Variants in ELMO1 observed in about 807,000 individuals in gnomAD.
ELMO1 encodes the protein engulfment and cell motility protein 1.
Under a neutral mutation model 98.9 loss-of-function variants are expected in ELMO1, and 26 were observed. The observed-to-expected ratio is 0.26, with a 90% CI of 0.19 to 0.36. The LOEUF (loss-of-function observed/expected upper bound fraction) is 0.36, where lower values mean the gene tolerates loss of function less well. ELMO1 is among the 10% of genes least tolerant of loss of function. The probability of loss-of-function intolerance (pLI) is 1.00; values close to 1 mark genes in which losing one functional copy is unlikely to be tolerated. For synonymous variants in ELMO1, 346 were observed against 346.0 expected (o/e 1.00, Z 0.00); for missense variants, 627 against 935.2 (o/e 0.67, Z 4.30).
At chr7:37,043,258 A>G (rs1795622958) in intron 15 of ELMO1, among the ~76,000 whole-genome samples, 1 of 149,526 alleles carries the variant, frequency 6.7e-6, no homozygotes, top group African/African-American at 2.4e-5. Flanking sequence ...GCCTAAGTCT[A>G]AGATCATCTG....
At chr7:37,345,333 T>G (rs1010003939) in intron 1 of ELMO1, among the ~76,000 whole-genome samples, 2 of 152,132 alleles carry the variant, frequency 1.3e-5, no homozygotes, top group African/African-American at 4.8e-5. Flanking sequence ...CTGAAGCCTG[T>G]GCCTCTACCA....
intron 1 of ELMO1, among the ~76,000 whole-genome samples, chr7:37,433,227 C>T (rs779412680): frequency 1.3e-4 from 20 of 152,224 alleles, no homozygotes; most frequent in Non-Finnish European, 2.2e-4. Context: ...GGACACAGTG[C>T]TCACATACAT....
At chr7:37,438,310 G>A (rs983490974) in intron 1 of ELMO1, among the ~76,000 whole-genome samples, 11 of 152,052 alleles carry the variant, frequency 7.2e-5, no homozygotes, top group Middle Eastern at 3.4e-3. Flanking sequence ...GAATCGGGCC[G>A]GGCGCGGTGG....
intron 8 of ELMO1, among the ~76,000 whole-genome samples, chr7:37,230,441 A>C (rs1794107935): frequency 6.6e-6 from 1 of 151,984 alleles, no homozygotes; most frequent in Non-Finnish European, 1.5e-5. Context: ...GCACAGGTGC[A>C]TGATGAGGAG....
chr7:36,932,897 G>C (rs1220172092), intron 16 of ELMO1, among the ~76,000 whole-genome samples: 2 of 152,204 alleles, frequency 1.3e-5, no homozygotes. Flanking sequence ...AGTGGGAAAT[G>C]CTTGCTCTCC....
chr7:37,404,649 G>T (rs145982273), intron 1 of ELMO1, among the ~76,000 whole-genome samples: 256 of 152,272 alleles, frequency 1.7e-3, no homozygotes, highest in African/African-American at 5.9e-3. Flanking sequence ...ATGCCAATCA[G>T]TGTTGAGATG....
rs144158978 is a variant in ELMO1, at chr7:37,214,960, G to A, written c.832-1503C>T. ...ATTCTAACCCTGACTCCCACATCAA[G>A]GTAATATGAAGACACTGAGCTACCC... On this transcript the variant is annotated intron_variant, in intron 11 of 21. Transcript: ENST00000310758. 9.9e-5 allele frequency among the ~76,000 whole-genome samples: 15 copies of A among 152,248 alleles called. No individual in the cohort carries two copies. In the East Asian group the frequency reaches 1.7e-3, roughly 18 times the overall value.
intron 13 of ELMO1, among the ~76,000 whole-genome samples, chr7:37,158,237 T>C (rs568144358): frequency 3.9e-5 from 6 of 152,276 alleles, no homozygotes; most frequent in East Asian, 1.9e-4. Flanking sequence ...ATTCAGGACA[T>C]AGGCATTGGC....
intron 15 of ELMO1, among the ~76,000 whole-genome samples, chr7:37,054,127 C>A (rs1796270389): frequency 1.3e-5 from 2 of 152,110 alleles, no homozygotes; most frequent in African/African-American, 4.8e-5. Context: ...ATCCAAGATA[C>A]ACTATATTTA....
intron 15 of ELMO1, among the ~76,000 whole-genome samples, chr7:37,038,782 T>C (rs1795332319): frequency 6.6e-6 from 1 of 152,222 alleles, no homozygotes; most frequent in African/African-American, 2.4e-5. Flanking sequence ...GGTGCAAGCA[T>C]GGTTGGGTTC....
chr7:36,933,271 G>C (rs976579922), intron 16 of ELMO1, among the ~76,000 whole-genome samples: 12 of 152,182 alleles, frequency 7.9e-5, no homozygotes, highest in Admixed American at 7.2e-4. Flanking sequence ...TACAGGAACA[G>C]AGTGTATAAT....
chr7:37,124,394 T>A (rs1364997609), intron 14 of ELMO1, among the ~76,000 whole-genome samples: 2 of 152,156 alleles, frequency 1.3e-5, no homozygotes, highest in African/African-American at 2.4e-5. Flanking sequence ...CCCCATCATC[T>A]CAGCCCAAAA....
intron 1 of ELMO1, among the ~76,000 whole-genome samples, chr7:37,386,984 T>C (rs1015604870): frequency 1.3e-5 from 2 of 152,358 alleles, no homozygotes; most frequent in East Asian, 3.8e-4. Flanking sequence ...TGTTTTGTTT[T>C]GTTCCTGCTC....
chr7:36,890,838 A>G (rs1407070770), intron 17 of ELMO1, among the ~76,000 whole-genome samples: 2 of 152,138 alleles, frequency 1.3e-5, no homozygotes, highest in South Asian at 2.1e-4. Context: ...GGCCTTGTGT[A>G]ATGGGGCTCC....
chr7:37,072,296 T>G (rs1476756405), intron 15 of ELMO1, among the ~76,000 whole-genome samples: 2 of 152,096 alleles, frequency 1.3e-5, no homozygotes, highest in Non-Finnish European at 2.9e-5. Context: ...AATTGAATCA[T>G]GGGGGTGGGT....
intron 16 of ELMO1, among the ~76,000 whole-genome samples, chr7:36,910,825 C>T (rs116106646): frequency 0.024 from 3,592 of 152,252 alleles, 143 homozygotes; most frequent in African/African-American, 0.081. Flanking sequence ...TTAAGGAGGA[C>T]ACGTGGTGCC....
At chr7:37,097,314 G>A (rs1784415041) in intron 14 of ELMO1, among the ~76,000 whole-genome samples, 1 of 152,336 alleles carries the variant, frequency 6.6e-6, no homozygotes, top group East Asian at 1.9e-4. Flanking sequence ...GAGGCGGGCG[G>A]ATCATTGGAG....
At chr7:37,288,328 G>A (rs6954443) in intron 4 of ELMO1, among the ~76,000 whole-genome samples, 1 of 151,750 alleles carries the variant, frequency 6.6e-6, no homozygotes, top group South Asian at 2.1e-4. Context: ...GGGTTCAAGC[G>A]ATTCTCCTGC....
chr7:37,357,159 T>C (rs548821554), intron 1 of ELMO1, among the ~76,000 whole-genome samples: 79 of 152,320 alleles, frequency 5.2e-4, no homozygotes, highest in Admixed American at 2.9e-3. Flanking sequence ...AGAATAGTTA[T>C]GGGGCTTTGG....
Sources: gnomAD v4.1 joint callset for allele counts (sites outside exome capture counted in the v4.1 genomes callset) on GRCh38, gnomAD v4.1.1 for gene constraint, MANE v1.5 for transcripts, NCBI Gene and HGNC (gene_info 2026-07-23, HGNC 2026-07-21) for gene names.